Variants in TTLL5 observed in about 807,000 individuals in gnomAD.
The protein encoded by TTLL5 is tubulin tyrosine ligase like 5.
TTLL5 carries 132 observed loss-of-function variants against 168.4 expected under a neutral mutation model. The ratio of observed to expected loss-of-function variants is 0.78; its 90% CI spans 0.68 to 0.91. The LOEUF (loss-of-function observed/expected upper bound fraction) is 0.91, where lower values mean the gene tolerates loss of function less well. Ranked by LOEUF, TTLL5 falls within the 40% of genes least tolerant of loss-of-function variation. The pLI, the probability that TTLL5 is intolerant of heterozygous loss-of-function variation, is 0.00. For missense variants in TTLL5, 1,545 were observed against 1,581.5 expected (o/e 0.98, Z 0.39); for synonymous variants, 546 against 558.6 (o/e 0.98, Z 0.32).
chr14:75,784,472 A>G (rs935100874), intron 26 of TTLL5, among the ~76,000 whole-genome samples: 2 of 152,136 alleles, frequency 1.3e-5, no homozygotes, highest in African/African-American at 2.4e-5. Context: ...ATATACCACA[A>G]TTTGTTTAGC....
At chr14:75,683,723 A>G in intron 5 of TTLL5, 67 bp downstream of exon 5, 3 of 1,284,992 alleles carry the variant, frequency 2.3e-6, no homozygotes, top group Non-Finnish European at 3.4e-6. Context: ...TAGCCAGCAA[A>G]GGTAATTAGT....
intron 31 of TTLL5, among the ~76,000 whole-genome samples, chr14:75,953,853 T>G (rs1044729395): frequency 1.3e-5 from 2 of 152,082 alleles, no homozygotes; most frequent in African/African-American, 4.8e-5. Flanking sequence ...AAAGATAAAG[T>G]GTTTTTGTCC....
chr14:75,909,320 C>T (rs910260025), intron 31 of TTLL5, among the ~76,000 whole-genome samples: 1 of 148,082 alleles, frequency 6.8e-6, no homozygotes, highest in African/African-American at 2.5e-5. Flanking sequence ...CAACTAGATA[C>T]CATCCCTATA....
chr14:75,683,801 TA>T (rs1324894606), intron 5 of TTLL5, 145 bp downstream of exon 5: 2 of 531,032 alleles, frequency 3.8e-6, no homozygotes, highest in Non-Finnish European at 6.6e-6. Flanking sequence ...TTGAGATGAG[TA>T]TCGCTCTGTC....
chr14:75,693,121 G>A (rs1423277641), intron 6 of TTLL5, among the ~76,000 whole-genome samples: 3 of 152,174 alleles, frequency 2.0e-5, no homozygotes, highest in Non-Finnish European at 4.4e-5. Flanking sequence ...TGTGTCTCCT[G>A]AAAGAGGAGA....
In TTLL5 at chr14:75,703,773, A is replaced by G. The variant is rs7156528; in HGVS notation, c.586-3245A>G. Among the ~76,000 whole-genome samples, 1,095 of 152,194 alleles carry G rather than the reference A, an allele frequency of 7.2e-3. 6 individuals carry two copies. Among genetic ancestry groups the G allele is most frequent in the African/African-American group, 0.012 (510 of 41,546 alleles). On this transcript the variant is annotated intron_variant, in intron 7 of 31. Coordinates refer to ENST00000298832, the MANE Select transcript of TTLL5 (RefSeq NM_015072.5). The stretch of plus-strand genomic sequence containing the variant: ...TGTACTCTCTTGTTTCTGTTTGTTT[A>G]TGTGTTTTTATCTTAGGTTCCCTTT...
At chr14:75,829,402 G>A (rs1370757119) in intron 28 of TTLL5, among the ~76,000 whole-genome samples, 1 of 152,058 alleles carries the variant, frequency 6.6e-6, no homozygotes, top group Non-Finnish European at 1.5e-5. Flanking sequence ...ATTATATACT[G>A]TATTCTTACT....
chr14:75,690,652 C>T (rs1195637573), intron 6 of TTLL5, among the ~76,000 whole-genome samples: 1 of 151,816 alleles, frequency 6.6e-6, no homozygotes, highest in Non-Finnish European at 1.5e-5. Flanking sequence ...GAGACAGAGC[C>T]TCCCTCTGTA....
chr14:75,863,488 C>G (rs1013005420), intron 28 of TTLL5, among the ~76,000 whole-genome samples, 179 bp from the exon 29 acceptor site: 4 of 152,144 alleles, frequency 2.6e-5, no homozygotes, highest in African/African-American at 9.7e-5. Flanking sequence ...CAGACCCTGT[C>G]CTTGTCATCA....
intron 21 of TTLL5, among the ~76,000 whole-genome samples, chr14:75,773,007 G>A (rs1196457017): frequency 3.3e-5 from 5 of 152,112 alleles, no homozygotes; most frequent in African/African-American, 1.2e-4. Context: ...ACCAAAAGGA[G>A]AGGGGCCTTT....
chr14:75,663,989 CAGG>C (rs1883071940), intron 2 of TTLL5, among the ~76,000 whole-genome samples: 1 of 151,420 alleles, frequency 6.6e-6, no homozygotes, highest in African/African-American at 2.4e-5. Context: ...GAGGCTGAGA[CAGG>C]AGAATGGCTT....
intron 29 of TTLL5, among the ~76,000 whole-genome samples, chr14:75,866,234 A>T (rs369903171): frequency 4.5e-4 from 69 of 152,370 alleles, no homozygotes; most frequent in African/African-American, 1.6e-3. Flanking sequence ...TAGCTGTGCT[A>T]GATCTGACCA....
chr14:75,783,196 C>T lies in TTLL5; in HGVS notation c.2652C>T (p.Ser884=), dbSNP rs758830351. Residue 884 remains serine, a synonymous_variant, in exon 26 of 32, where the codon TCC becomes TCT. Coordinates refer to ENST00000298832, the MANE Select transcript of TTLL5 (RefSeq NM_015072.5). ...EKEAKLVYSN[S]SSGPTATLQK... ...AGGCAAAATTAGTTTATAGCAATTC[C>T]TCCTCTGGTCCTACTGCTACTCTGC... 6.2e-7 allele frequency: 1 copy of T among 1,613,764 alleles called. No individual in the cohort carries two copies. The highest frequency in any genetic ancestry group is 8.5e-7 in the Non-Finnish European group (1 of 1,180,006).
intron 28 of TTLL5, among the ~76,000 whole-genome samples, chr14:75,848,751 C>T (rs760572890): frequency 6.6e-6 from 1 of 152,180 alleles, no homozygotes; most frequent in Non-Finnish European, 1.5e-5. Context: ...AGATAAAGGA[C>T]CAGGGAGTCT....
At chr14:75,702,011 G>A (rs1886308856) in intron 7 of TTLL5, among the ~76,000 whole-genome samples, 1 of 152,176 alleles carries the variant, frequency 6.6e-6, no homozygotes, top group Admixed American at 6.5e-5. Context: ...TTCACATTGA[G>A]CTGTTTGCCA....
At chr14:75,909,235 A>G (rs2033269248) in intron 31 of TTLL5, among the ~76,000 whole-genome samples, 1 of 149,494 alleles carries the variant, frequency 6.7e-6, no homozygotes, top group South Asian at 2.2e-4. Flanking sequence ...TCTACACCCA[A>G]CCTCCTTATC....
chr14:75,845,714 A>G (rs948667776), intron 28 of TTLL5, among the ~76,000 whole-genome samples: 1 of 152,158 alleles, frequency 6.6e-6, no homozygotes, highest in African/African-American at 2.4e-5. Flanking sequence ...AGGTGATACC[A>G]TTTGTCCATG....
rs559392964 is a variant in TTLL5, at chr14:75,745,268, G to A, written c.1395+60G>A. 95 of 1,486,970 alleles carry A rather than the reference G, an allele frequency of 6.4e-5. No homozygotes were observed. In the South Asian group the frequency reaches 1.1e-3, roughly 17 times the overall value. 92.1% of individuals were successfully genotyped at this position (1,486,970 alleles called of 1,614,324 possible). ...AACACAGGGTTTAGTGAAAATTAGT[G>A]AGTGATTGATAATATTCATGACAAA... On this transcript the variant is annotated intron_variant, in intron 16 of 31. Coordinates refer to ENST00000298832, the MANE Select transcript of TTLL5 (RefSeq NM_015072.5).
intron 27 of TTLL5, among the ~76,000 whole-genome samples, chr14:75,811,994 C>T (rs1008790803): frequency 1.3e-5 from 2 of 152,156 alleles, no homozygotes; most frequent in African/African-American, 2.4e-5. Flanking sequence ...TGGATTTATT[C>T]CTGCTATAAT....
Sources: allele counts gnomAD v4.1 joint callset (sites outside exome capture counted in the v4.1 genomes callset), GRCh38; gene constraint gnomAD v4.1.1; transcripts MANE v1.5; gene names NCBI Gene and HGNC (gene_info 2026-07-23, HGNC 2026-07-21).